ZPBP: variants seen among roughly 807,000 people sequenced by gnomAD.
ZPBP encodes zona pellucida binding protein, also known as zona pellucida-binding protein 1.
ZPBP carries 26 observed loss-of-function variants against 44.8 expected under a neutral mutation model. The ratio of observed to expected loss-of-function variants is 0.58; its 90% CI spans 0.43 to 0.81. ZPBP has a LOEUF of 0.81. Among genes scored for constraint, ZPBP ranks in the 30% least tolerant of loss-of-function variants. The probability of loss-of-function intolerance (pLI) is 0.00; values close to 1 mark genes in which losing one functional copy is unlikely to be tolerated. For synonymous variants in ZPBP, 174 were observed against 153.2 expected (o/e 1.14, Z -1.00); for missense variants, 409 against 434.0 (o/e 0.94, Z 0.51).
At chr7:50,031,802 G>A (rs944336761) in intron 4 of ZPBP, among the ~76,000 whole-genome samples, 4 of 151,858 alleles carry the variant, frequency 2.6e-5, no homozygotes, top group African/African-American at 9.7e-5. Flanking sequence ...GTTTTATTGA[G>A]TTGAGTACAA....
At chr7:49,878,659 G>A (rs1791546750) in intron 2 of ZPBP, among the ~76,000 whole-genome samples, 1 of 151,902 alleles carries the variant, frequency 6.6e-6, no homozygotes, top group Non-Finnish European at 1.5e-5. Flanking sequence ...TTTTCCTCCT[G>A]GTTTCTCTTA....
chr7:50,085,820 T>C (rs1336757566), intron 2 of ZPBP, among the ~76,000 whole-genome samples: 1 of 152,134 alleles, frequency 6.6e-6, no homozygotes, highest in Non-Finnish European at 1.5e-5. Flanking sequence ...CCACAGGAAC[T>C]TTGACTTGTT....
chr7:49,905,503 TATA>T (rs1443527080), intron 1 of ZPBP, among the ~76,000 whole-genome samples: 1 of 152,270 alleles, frequency 6.6e-6, no homozygotes, highest in Non-Finnish European at 1.5e-5. Flanking sequence ...TCATTGGTAA[TATA>T]TTTTAATGTG....
chr7:49,931,690 T>G lies in ZPBP; in HGVS notation n.411+4061A>C, dbSNP rs528993642. Among the ~76,000 whole-genome samples, 5 of 152,350 alleles carry G rather than the reference T, an allele frequency of 3.3e-5. No individual in the cohort carries two copies. In the South Asian group the frequency reaches 1.0e-3, roughly 32 times the overall value. On this transcript the variant is annotated intron_variant and non_coding_transcript_variant, in intron 1 of 2. Transcript: ENST00000465922. Reference sequence around the variant, plus strand: ...TTTCTGGGGAGAAATTCAAGCCAGCTGCAGAAATTTGCATAAGTACTGAGG... The same window carrying G: ...TTTCTGGGGAGAAATTCAAGCCAGCGGCAGAAATTTGCATAAGTACTGAGG...
intron 7 of ZPBP, among the ~76,000 whole-genome samples, chr7:49,961,712 G>A (rs187946940): frequency 5.7e-4 from 87 of 152,152 alleles, no homozygotes; most frequent in Middle Eastern, 3.4e-3. Context: ...CCCAATAAGT[G>A]TTAATAGCAT....
At chr7:49,934,943 G>A (rs1434427167), downstream of ZPBP, among the ~76,000 whole-genome samples, 5 of 152,092 alleles carry the variant, frequency 3.3e-5, no homozygotes, top group African/African-American at 1.2e-4. Context: ...AAAATGTTTT[G>A]TGAAAATTTA....
rs569129883 is a variant in ZPBP, at chr7:49,963,731, G to A, written c.961+19611C>T. On this transcript the variant is annotated intron_variant, in intron 7 of 7. Coordinates refer to ENST00000046087, the MANE Select transcript of ZPBP (RefSeq NM_007009.3). ...AAACACATTACATTTAAATAAAGAG[G>A]ATTAGAAATACTGTCTCACAAAGAA... Among the ~76,000 whole-genome samples, 16 of 151,812 alleles carry A rather than the reference G, an allele frequency of 1.1e-4. No homozygotes were observed. In the South Asian group the frequency reaches 3.1e-3, roughly 30 times the overall value.
chr7:50,016,382 G>A (rs1798821889), intron 6 of ZPBP, among the ~76,000 whole-genome samples: 1 of 151,970 alleles, frequency 6.6e-6, no homozygotes. Flanking sequence ...GACACAGAGA[G>A]GAACAACAGA....
At chr7:49,962,137 G>A (rs562901403) in intron 7 of ZPBP, among the ~76,000 whole-genome samples, 1 of 151,856 alleles carries the variant, frequency 6.6e-6, no homozygotes, top group Non-Finnish European at 1.5e-5. Context: ...GGAAAGAACT[G>A]CAACTCATTT....
At chr7:50,092,850 G>T in intron 1 of ZPBP, 1 of 602,674 alleles carries the variant, frequency 1.7e-6, no homozygotes. Flanking sequence ...GTGACGTAGT[G>T]ATCCATCTAT....
chr7:49,877,479 AAAATATATATATATATATATATATAT>A lies in ZPBP; in HGVS notation n.509+23613_509+23638del, dbSNP rs1562747690. Among the ~76,000 whole-genome samples, 2 of 12,746 alleles carry A rather than the reference AAAATATATATATATATATATATATAT, an allele frequency of 1.6e-4. 1 individual carries two copies. The highest frequency in any genetic ancestry group is 2.8e-4 in the Non-Finnish European group (2 of 7,142). The allele number at this position is 12,746 out of a possible 152,430, so 8.4% of individuals were successfully genotyped here. A position where few individuals can be genotyped will look rare whatever the true frequency, so the allele number is the denominator to read the frequency against. On this transcript the variant is annotated intron_variant and non_coding_transcript_variant, in intron 2 of 2. Transcript: ENST00000465922. The stretch of plus-strand genomic sequence containing the variant: ...CTCTGTCTCAAAAAAAAAAAAAAAA[AAAATATATATATATATATATATATAT>A]ATATATATATATAGTTATTTGGTCA...
intron 2 of ZPBP, among the ~76,000 whole-genome samples, chr7:49,857,761 C>A (rs1790483650): frequency 6.6e-6 from 1 of 152,184 alleles, no homozygotes; most frequent in Non-Finnish European, 1.5e-5. Context: ...AAGTTAAAAA[C>A]AGAGCCATCA....
intron 1 of ZPBP, among the ~76,000 whole-genome samples, chr7:49,908,275 A>G (rs1793214019): frequency 6.6e-6 from 1 of 152,218 alleles, no homozygotes; most frequent in South Asian, 2.1e-4. Context: ...TCCAACGCCT[A>G]CATTTCATCA....
At chr7:50,038,229 C>T (rs1021767940) in intron 4 of ZPBP, among the ~76,000 whole-genome samples, 3 of 152,184 alleles carry the variant, frequency 2.0e-5, no homozygotes, top group Non-Finnish European at 4.4e-5. Flanking sequence ...GAGAATTTAT[C>T]CAGGGAAGAG....
At chr7:50,089,547 C>T (rs909950649) in intron 2 of ZPBP, 82 bp downstream of exon 2, 1 of 1,025,568 alleles carries the variant, frequency 9.8e-7, no homozygotes, top group African/African-American at 1.6e-5. Context: ...AAATGAAGAG[C>T]ATTAGCCTTT....
At chr7:50,004,577 C>CTAA (rs1308181198) in intron 6 of ZPBP, among the ~76,000 whole-genome samples, 1 of 152,044 alleles carries the variant, frequency 6.6e-6, no homozygotes, top group Non-Finnish European at 1.5e-5. Context: ...CTGGAAAACC[C>CTAA]TAATACAATC....
intron 2 of ZPBP, among the ~76,000 whole-genome samples, chr7:49,892,799 T>C (rs1330859404): frequency 6.6e-6 from 1 of 152,246 alleles, no homozygotes; most frequent in Non-Finnish European, 1.5e-5. Context: ...CTCCGTGGAA[T>C]GAATATAAAT....
chr7:50,072,521 T>C (rs867277237), intron 3 of ZPBP, among the ~76,000 whole-genome samples: 1 of 152,192 alleles, frequency 6.6e-6, no homozygotes, highest in Admixed American at 6.5e-5. Flanking sequence ...GCTGGAGCCA[T>C]GGAGTGGTTA....
downstream of ZPBP, among the ~76,000 whole-genome samples, chr7:49,849,705 G>A (rs1055306726): frequency 6.6e-6 from 1 of 152,224 alleles, no homozygotes; most frequent in African/African-American, 2.4e-5. Context: ...CAGGGAGATT[G>A]TGGATGTCAG....
Sources: allele counts gnomAD v4.1 joint callset (sites outside exome capture counted in the v4.1 genomes callset), GRCh38; gene constraint gnomAD v4.1.1; transcripts MANE v1.5; gene names NCBI Gene and HGNC (gene_info 2026-07-23, HGNC 2026-07-21).